The following GALNTL6 variants were observed in gnomAD, a reference collection of about 807,000 sequenced individuals.
GALNTL6 encodes polypeptide N-acetylgalactosaminyltransferase-like 6.
Under a neutral mutation model 73.7 loss-of-function variants are expected in GALNTL6, and 46 were observed. The observed-to-expected ratio is 0.62, with a 90% CI of 0.49 to 0.80. The LOEUF (loss-of-function observed/expected upper bound fraction) is 0.80, where lower values mean the gene tolerates loss of function less well. Ranked by LOEUF, GALNTL6 falls within the 30% of genes least tolerant of loss-of-function variation. The pLI is 0.00. For missense variants in GALNTL6, 604 were observed against 755.0 expected, an observed-to-expected ratio of 0.80 and a Z score of 2.34; for synonymous variants, 259 against 263.7, an observed-to-expected ratio of 0.98 and a Z score of 0.17.
intron 5 of GALNTL6, among the ~76,000 whole-genome samples, chr4:172,743,629 T>C (rs973654952): frequency 4.6e-5 from 7 of 152,026 alleles, no homozygotes; most frequent in Non-Finnish European, 7.4e-5. Flanking sequence ...ATTATCATGA[T>C]GGCATCAGTG....
intron 2 of GALNTL6, among the ~76,000 whole-genome samples, chr4:171,995,863 T>C (rs1443437866): frequency 6.6e-6 from 1 of 152,080 alleles, no homozygotes; most frequent in East Asian, 1.9e-4. Flanking sequence ...GTGCTACACA[T>C]TACAGTTTTA....
intron 12 of GALNTL6, 93 bp downstream of exon 12, chr4:173,021,718 G>A (rs1031703796): frequency 1.5e-6 from 2 of 1,337,768 alleles, no homozygotes; most frequent in Admixed American, 1.8e-5. Flanking sequence ...TTTAGGCCTG[G>A]CGCAGTCACT....
At chr4:172,418,701 C>T (rs1730936752) in intron 5 of GALNTL6, among the ~76,000 whole-genome samples, 2 of 152,126 alleles carry the variant, frequency 1.3e-5, no homozygotes, top group South Asian at 4.1e-4. Flanking sequence ...GATAGAACAT[C>T]TAATATTAGC....
At chr4:172,726,573 A>T (rs570731859) in intron 5 of GALNTL6, among the ~76,000 whole-genome samples, 1 of 152,058 alleles carries the variant, frequency 6.6e-6, no homozygotes, top group Non-Finnish European at 1.5e-5. Flanking sequence ...GCCTGATTGA[A>T]CCCCAACCTA....
chr4:172,865,280 A>G (rs1017556548), intron 7 of GALNTL6, among the ~76,000 whole-genome samples: 3 of 152,198 alleles, frequency 2.0e-5, no homozygotes, highest in African/African-American at 7.2e-5. Flanking sequence ...ACACTGCACT[A>G]TTTGATCCAG....
At chr4:172,903,620 T>G (rs757261846) in intron 8 of GALNTL6, among the ~76,000 whole-genome samples, 2 of 151,312 alleles carry the variant, frequency 1.3e-5, no homozygotes, top group Non-Finnish European at 2.9e-5. Context: ...GAGGCAAAAG[T>G]TTTTTTTTGC....
rs186515267 is a variant in GALNTL6 at position 172,258,230 on chromosome 4, C to T, written c.247+28466C>T. Among the ~76,000 whole-genome samples the T allele has an allele frequency of 2.0e-4, 30 of 151,352 alleles. No homozygotes were observed. The East Asian group carries it at 2.7e-3, about 14-fold the overall frequency. Reference sequence around the variant, plus strand: ...CTAAGCCTACAATTATTTGTGATGCCAAATGCAAAATGTGTCTTCCCTTTA... The same window carrying T: ...CTAAGCCTACAATTATTTGTGATGCTAAATGCAAAATGTGTCTTCCCTTTA... On this transcript the variant is annotated intron_variant, in intron 3 of 12. Transcript: ENST00000506823.
chr4:172,413,186 G>C (rs1205393497), intron 5 of GALNTL6, among the ~76,000 whole-genome samples: 1 of 152,086 alleles, frequency 6.6e-6, no homozygotes, highest in African/African-American at 2.4e-5. Context: ...CATGGGACTG[G>C]GTTTCTGCCA....
intron 2 of GALNTL6, among the ~76,000 whole-genome samples, chr4:171,982,449 C>T (rs377308645): frequency 1.9e-4 from 29 of 152,194 alleles, no homozygotes; most frequent in African/African-American, 4.1e-4. Flanking sequence ...AGGCGCCCGC[C>T]ACCACGCCCG....
intron 5 of GALNTL6, among the ~76,000 whole-genome samples, chr4:172,569,507 T>C (rs1004150928): frequency 6.6e-6 from 1 of 152,190 alleles, no homozygotes; most frequent in Non-Finnish European, 1.5e-5. Context: ...AGGAAAAAGA[T>C]TGGACAAGCA....
At position 172,609,625 on chromosome 4, in the gene GALNTL6, C is replaced by CTGTGTGTGTG. The variant is rs35490374; in HGVS notation, c.554-199704_554-199695dup. 3.7e-3 allele frequency among the ~76,000 whole-genome samples: 345 copies of CTGTGTGTGTG among 92,768 alleles called. 4 individuals are homozygous for CTGTGTGTGTG. The highest frequency in any genetic ancestry group is 0.027 in the East Asian group (82 of 3,074). 60.9% of individuals were successfully genotyped at this position (92,768 alleles called of 152,430 possible). A position where few individuals can be genotyped will look rare whatever the true frequency, so the allele number is the denominator to read the frequency against. ...TTTCTCTCTCTCTCTCTCTCTCTCT[C>CTGTGTGTGTG]TGTGTGTGTGTGTGTGTGTGTGTGT... On this transcript the variant is annotated intron_variant, in intron 5 of 12. Coordinates refer to ENST00000506823, the MANE Select transcript of GALNTL6 (RefSeq NM_001034845.3).
intron 4 of GALNTL6, among the ~76,000 whole-genome samples, chr4:172,320,208 A>C (rs1356928920): frequency 6.6e-6 from 1 of 152,034 alleles, no homozygotes; most frequent in African/African-American, 2.4e-5. Context: ...TCAGGCCCTT[A>C]TTGTACTTTG....
At chr4:172,534,500 C>A (rs1735276486) in intron 5 of GALNTL6, among the ~76,000 whole-genome samples, 1 of 152,080 alleles carries the variant, frequency 6.6e-6, no homozygotes, top group Non-Finnish European at 1.5e-5. Context: ...AGTGGTATGT[C>A]TTTTTTCTGT....
chr4:172,705,221 T>TTTTG (rs1553975294), intron 5 of GALNTL6, among the ~76,000 whole-genome samples: 91 of 147,470 alleles, frequency 6.2e-4, no homozygotes, highest in African/African-American at 2.3e-3. Flanking sequence ...CTATTTTTTT[T>TTTTG]TTGTTTTATG....
At chr4:172,104,391 T>A (rs1299557872) in intron 2 of GALNTL6, among the ~76,000 whole-genome samples, 2 of 151,886 alleles carry the variant, frequency 1.3e-5, no homozygotes, top group African/African-American at 4.8e-5. Flanking sequence ...CGACTTAAAT[T>A]AAAGGGAAAA....
At chr4:172,175,548 A>G (rs1734962451) in intron 2 of GALNTL6, among the ~76,000 whole-genome samples, 1 of 152,210 alleles carries the variant, frequency 6.6e-6, no homozygotes, top group Non-Finnish European at 1.5e-5. Flanking sequence ...TGTCCAGATT[A>G]CAAGTATCCT....
At chr4:172,015,790 A>C (rs1282309498) in intron 2 of GALNTL6, among the ~76,000 whole-genome samples, 1 of 151,960 alleles carries the variant, frequency 6.6e-6, no homozygotes, top group Non-Finnish European at 1.5e-5. Context: ...TCTCATCTTC[A>C]TTTATGAAGT....
At chr4:172,022,718 TC>T (rs755900207) in intron 2 of GALNTL6, among the ~76,000 whole-genome samples, 73 of 151,952 alleles carry the variant, frequency 4.8e-4, no homozygotes, top group Non-Finnish European at 7.9e-4. Context: ...AACCCTCCAT[TC>T]CTTGGTGAAT....
intron 5 of GALNTL6, among the ~76,000 whole-genome samples, chr4:172,426,916 T>TTATATATATATATATATATATATA (rs35184907): frequency 3.3e-5 from 5 of 149,482 alleles, no homozygotes; most frequent in African/African-American, 1.2e-4. Context: ...GTAAGGACTC[T>TTATATATATATATATATATATATA]TATATATATA....
Sources: gnomAD v4.1 joint callset for allele counts (sites outside exome capture counted in the v4.1 genomes callset) on GRCh38, gnomAD v4.1.1 for gene constraint, MANE v1.5 for transcripts, NCBI Gene and HGNC (gene_info 2026-07-23, HGNC 2026-07-21) for gene names.